Variants in CELF2 observed in about 807,000 individuals in gnomAD.
CELF2 encodes the protein CUGBP Elav-like family member 2.
Under a neutral mutation model 62.6 loss-of-function variants are expected in CELF2, and 8 were observed. The ratio of observed to expected loss-of-function variants is 0.13; its 90% CI spans 0.07 to 0.23. CELF2 has a LOEUF of 0.23. Ranked by LOEUF, CELF2 falls within the 10% of genes least tolerant of loss-of-function variation. CELF2 has a pLI of 1.00. For synonymous variants in CELF2, 258 were observed against 250.0 expected, an observed-to-expected ratio of 1.03 and a Z score of -0.30; for missense variants, 333 against 671.0, an observed-to-expected ratio of 0.50 and a Z score of 5.56.
chr10:11,113,461 G>C (rs2055750780), intron 1 of CELF2, among the ~76,000 whole-genome samples: 1 of 152,134 alleles, frequency 6.6e-6, no homozygotes, highest in South Asian at 2.1e-4. Flanking sequence ...CATATCAGAG[G>C]GTGGAGGAAA....
rs2062741415 is a variant in CELF2 at position 11,214,399 on chromosome 10, T to G, written c.272-3026T>G. Among the ~76,000 whole-genome samples, 1 of 152,210 alleles carries G rather than the reference T, an allele frequency of 6.6e-6. No homozygotes were observed. Among genetic ancestry groups the G allele is most frequent in the Non-Finnish European group, 1.5e-5 (1 of 68,028 alleles). ...AAAAACCAAAAGAAGCCTCTGGGGT[T>G]AGTATTCCCAGTCTCCTTGTCTGCC... On this transcript the variant is annotated intron_variant, in intron 2 of 12. Transcript: ENST00000633077. This position sits in a 1 kb window ranked among gnomAD's most constrained non-coding sequence, Gnocchi z 4.2.
At chr10:11,202,757 ATAT>A (rs1680706488) in intron 2 of CELF2, among the ~76,000 whole-genome samples, 1 of 152,118 alleles carries the variant, frequency 6.6e-6, no homozygotes, top group African/African-American at 2.4e-5. Context: ...TGGTGGGAGA[ATAT>A]TATTATCATT....
rs1204660691 is a variant in CELF2 at position 11,102,558 on chromosome 10, TC to T, written c.75-62926del. 8.5e-5 allele frequency among the ~76,000 whole-genome samples: 13 copies of T among 152,306 alleles called. No individual in the cohort carries two copies. In the East Asian group the frequency reaches 2.1e-3, roughly 25 times the overall value. ...CTTTCATGGAGATGTGTGTGATTTGTCCTTGAAACTCGGGGCCCTGTTCTCC... is the reference window on the plus strand; with the variant it reads ...CTTTCATGGAGATGTGTGTGATTTGTCTTGAAACTCGGGGCCCTGTTCTCC... On this transcript the variant is annotated intron_variant, in intron 1 of 12. Coordinates refer to ENST00000633077, the MANE Select transcript of CELF2 (RefSeq NM_001326342.2).
In CELF2 at chr10:10,802,108, T is replaced by C. The variant is rs78721477; in HGVS notation, c.53+3291T>C. 4.7e-3 allele frequency among the ~76,000 whole-genome samples: 711 copies of C among 152,084 alleles called. 1 individual carries two copies. The highest frequency in any genetic ancestry group is 0.016 in the African/African-American group (664 of 41,486). On this transcript the variant is annotated intron_variant, in intron 1 of 13. Transcript: ENST00000636488. ...CTCCAGCTGCATTCAAAGAAAAAAA[T>C]TCAAAAGCTAAATAAAGTATTCTTG... is the stretch of plus-strand genomic sequence containing the variant.
chr10:10,535,762 C>T, the CELF2 span, among the ~76,000 whole-genome samples: 56 of 152,008 alleles, frequency 3.7e-4, no homozygotes, highest in Admixed American at 1.5e-3. Context: ...ACAACAAAAA[C>T]GAACATTTGG....
At position 11,319,124 on chromosome 10, in the gene CELF2, C is replaced by A. The variant is rs1464094084; in HGVS notation, c.1097-2065C>A. On this transcript the variant is annotated intron_variant, in intron 10 of 12. Coordinates refer to ENST00000633077, the MANE Select transcript of CELF2 (RefSeq NM_001326342.2). This position sits in a 1 kb window ranked among gnomAD's most constrained non-coding sequence, Gnocchi z 4.4. Reference sequence around the variant, plus strand: ...CGGCGAGTCGCCGCTCCTCTCCCGCCAGAATTTCCTCCACACGGGCATCTG... The same window carrying A: ...CGGCGAGTCGCCGCTCCTCTCCCGCAAGAATTTCCTCCACACGGGCATCTG... 1 of 470,412 alleles carries A rather than the reference C, an allele frequency of 2.1e-6. No homozygotes were observed. The highest frequency in any genetic ancestry group is 4.4e-6 in the Non-Finnish European group (1 of 227,016). The allele number at this position is 470,412 out of a possible 1,614,324, so 29.1% of individuals were successfully genotyped here.
At position 11,257,802 on chromosome 10, in the gene CELF2, G is replaced by A; in HGVS notation, c.468G>A (p.Arg156=). 6.2e-7 allele frequency: 1 copy of A among 1,613,906 alleles called. No homozygotes were observed. The highest frequency in any genetic ancestry group is 8.5e-7 in the Non-Finnish European group (1 of 1,179,762). The change falls in exon 5 of 13, where the codon AGG becomes AGA. Residue 156 remains arginine, a synonymous_variant. Coordinates refer to ENST00000633077, the MANE Select transcript of CELF2 (RefSeq NM_001326342.2). ...VSKKCNENDI[R]VMFSPFGQIE... is the part of the protein sequence containing the mutation. ...AGAAATGTAATGAGAACGACATCAG[G>A]GTGATGTTCTCTCCATTTGGCCAGA... is the stretch of plus-strand genomic sequence containing the variant.
At position 10,995,949 on chromosome 10, in the gene CELF2, C is replaced by A. The variant is rs149895235; in HGVS notation, c.89+75950C>A. Among the ~76,000 whole-genome samples, 128 of 152,266 alleles carry A rather than the reference C, an allele frequency of 8.4e-4. 2 individuals are homozygous for A. The highest frequency in any genetic ancestry group is 2.1e-3 in the South Asian group (10 of 4,824). ...ACATAAGACTCTTTTGATCTGGGTG[C>A]TGACTGCATGGGTATGTTCAGTCTG... is the stretch of plus-strand genomic sequence containing the variant. On this transcript the variant is annotated intron_variant, in intron 2 of 13. Transcript: ENST00000636488. The surrounding 1 kb of genome is among the most constrained non-coding windows in gnomAD (Gnocchi z 4.7).
chr10:10,620,622 G>T, the CELF2 span, among the ~76,000 whole-genome samples: 3 of 152,136 alleles, frequency 2.0e-5, no homozygotes, highest in East Asian at 5.8e-4. Flanking sequence ...CTCAGTAGAG[G>T]CAGGGCGTGG....
the CELF2 span, among the ~76,000 whole-genome samples, chr10:10,604,525 T>G: frequency 1.3e-5 from 2 of 152,196 alleles, no homozygotes; most frequent in Non-Finnish European, 2.9e-5. Context: ...CAACATGAGT[T>G]TGTTGAAATA....
intron 1 of CELF2, among the ~76,000 whole-genome samples, chr10:10,845,622 CTTAAT>C (rs2058964857): frequency 6.6e-6 from 1 of 152,150 alleles, no homozygotes; most frequent in Admixed American, 6.5e-5. Flanking sequence ...GGATAATCAG[CTTAAT>C]TTAATCATTT....
At chr10:10,586,167 C>G in the CELF2 span, among the ~76,000 whole-genome samples, 2 of 152,188 alleles carry the variant, frequency 1.3e-5, no homozygotes, top group African/African-American at 2.4e-5. Flanking sequence ...TTAATCTTTT[C>G]CTGAAATAGG....
the CELF2 span, among the ~76,000 whole-genome samples, chr10:10,499,278 C>T: frequency 6.6e-6 from 1 of 152,106 alleles, no homozygotes; most frequent in East Asian, 1.9e-4. Context: ...GTCGGCCAGG[C>T]TGGTCTCAAA....
chr10:10,710,687 C>T, the CELF2 span, among the ~76,000 whole-genome samples: 1 of 151,942 alleles, frequency 6.6e-6, no homozygotes, highest in Non-Finnish European at 1.5e-5. Context: ...GTCTCAGGAG[C>T]AGTAAGGGTC....
the CELF2 span, among the ~76,000 whole-genome samples, chr10:10,495,861 C>T: frequency 3.9e-5 from 6 of 152,188 alleles, no homozygotes; most frequent in Admixed American, 3.3e-4. Context: ...ACCCTATATC[C>T]ACCTGTACCA....
intron 2 of CELF2, among the ~76,000 whole-genome samples, chr10:11,202,384 A>T (rs1201817911): frequency 1.3e-5 from 2 of 152,198 alleles, no homozygotes; most frequent in Non-Finnish European, 2.9e-5. Flanking sequence ...AAAAGAAAGG[A>T]TGGAAAAGTT....
Position 11,145,752 on chromosome 10 carries a change from T to G in CELF2, c.75-19734T>G, listed in dbSNP as rs925398814. 6.6e-6 allele frequency among the ~76,000 whole-genome samples: 1 copy of G among 152,242 alleles called. No homozygotes were observed. Among genetic ancestry groups the G allele is most frequent in the Non-Finnish European group, 1.5e-5 (1 of 68,042 alleles). On this transcript the variant is annotated intron_variant, in intron 1 of 12. Transcript: ENST00000633077. The surrounding 1 kb of genome is among the most constrained non-coding windows in gnomAD (Gnocchi z 4.3). The stretch of plus-strand genomic sequence containing the variant: ...GTGGTAGATAAGAAGTTGCTTCATT[T>G]ATTTTTCTTTTTTTAGTGTCATTAC...
chr10:10,894,653 T>C (rs1421092201), intron 1 of CELF2, among the ~76,000 whole-genome samples: 1 of 148,970 alleles, frequency 6.7e-6, no homozygotes, highest in African/African-American at 2.5e-5. Flanking sequence ...GGATCCACTA[T>C]GATTGACTAT....
chr10:10,895,930 A>G (rs2133999303), intron 1 of CELF2, among the ~76,000 whole-genome samples: 1 of 152,290 alleles, frequency 6.6e-6, no homozygotes, highest in African/African-American at 2.4e-5. Context: ...TGGAAGGGGA[A>G]GAAGGAGGCT....
Sources: allele counts gnomAD v4.1 joint callset (sites outside exome capture counted in the v4.1 genomes callset), GRCh38; gene constraint gnomAD v4.1.1; non-coding constraint Gnocchi (gnomAD v3.1); transcripts MANE v1.5; gene names NCBI Gene and HGNC (gene_info 2026-07-23, HGNC 2026-07-21).